SFSWAP: variants seen among roughly 807,000 people sequenced by gnomAD.
The protein encoded by SFSWAP is splicing factor, suppressor of white-apricot homolog.
Under a neutral mutation model 100.7 loss-of-function variants are expected in SFSWAP, and 17 were observed. That is an observed-to-expected ratio of 0.17 (90% CI 0.12 to 0.25). The LOEUF (loss-of-function observed/expected upper bound fraction) is 0.25. Ranked by LOEUF, SFSWAP falls within the 10% of genes least tolerant of loss-of-function variation. SFSWAP has a pLI of 1.00. For synonymous variants in SFSWAP, 504 were observed against 510.1 expected (o/e 0.99, Z 0.16); for missense variants, 1,005 against 1,262.6 (o/e 0.80, Z 3.09).
chr12:131,747,370 C>T (rs1593142674), intron 7 of SFSWAP, among the ~76,000 whole-genome samples: 2 of 152,266 alleles, frequency 1.3e-5, no homozygotes, highest in South Asian at 4.1e-4. Context: ...AGGGAGGCCT[C>T]CTGTGACCAG....
intron 11 of SFSWAP, among the ~76,000 whole-genome samples, chr12:131,761,597 G>A (rs183617248): frequency 1.3e-5 from 2 of 152,346 alleles, no homozygotes; most frequent in Admixed American, 6.5e-5. Flanking sequence ...ACTCAGGGAC[G>A]TGGCAGCCTT....
intron 9 of SFSWAP, among the ~76,000 whole-genome samples, chr12:131,755,167 A>C (rs1882039889): frequency 2.0e-5 from 3 of 152,208 alleles, no homozygotes; most frequent in African/African-American, 7.2e-5. Flanking sequence ...AATAAAACGT[A>C]AAGATATGTT....
intron 4 of SFSWAP, among the ~76,000 whole-genome samples, chr12:131,723,739 T>C (rs887624177): frequency 1.3e-5 from 2 of 152,198 alleles, no homozygotes; most frequent in African/African-American, 4.8e-5. Context: ...TTTTCTGACC[T>C]GTAGATACCT....
chr12:131,766,261 C>G lies in SFSWAP; in HGVS notation c.2095C>G (p.Pro699Ala), dbSNP rs1883107592. The G allele has an allele frequency of 1.9e-6, 3 of 1,614,134 alleles. No homozygotes were observed. Among genetic ancestry groups the G allele is most frequent in the Non-Finnish European group, 2.5e-6 (3 of 1,180,028 alleles). ...LFLQTLKNPL[P>A]EAEAGKIEES... is the part of the protein sequence containing the mutation. ...TTTACAGACCCTCAAAAATCCTCTG[C>G]CGGAAGCAGAAGCTGGGAAAATTGA... Residue 699 changes from proline to alanine, a missense_variant, in exon 13 of 18, where the codon CCG becomes GCG. By Grantham distance (27) the Pro-to-Ala change is conservative. Coordinates refer to ENST00000261674, the MANE Select transcript of SFSWAP (RefSeq NM_004592.4).
At chr12:131,719,098 A>AT (rs1878209989) in intron 3 of SFSWAP, among the ~76,000 whole-genome samples, 1 of 152,160 alleles carries the variant, frequency 6.6e-6, no homozygotes, top group Non-Finnish European at 1.5e-5. Context: ...TTCTTTATAT[A>AT]TGTGGGTTCA....
intron 13 of SFSWAP, 74 bp from the exon 14 acceptor site, chr12:131,777,991 T>A (rs1311122314): frequency 3.2e-6 from 5 of 1,543,318 alleles, no homozygotes; most frequent in Non-Finnish European, 4.3e-6. Context: ...GGGCCCAAAG[T>A]TGAAATTTTA....
chr12:131,792,072 CACGG>C (rs1885276464), intron 15 of SFSWAP, among the ~76,000 whole-genome samples: 1 of 150,722 alleles, frequency 6.6e-6, no homozygotes, highest in East Asian at 2.0e-4. Flanking sequence ...CGTGTGTGTT[CACGG>C]ATCATTACTG....
At position 131,711,638 on chromosome 12, in the gene SFSWAP, C is replaced by T. The variant is rs1391270656; in HGVS notation, c.218+191C>T. On this transcript the variant is annotated intron_variant, in intron 1 of 17. Coordinates refer to ENST00000261674, the MANE Select transcript of SFSWAP (RefSeq NM_004592.4). This position sits in a 1 kb window ranked among gnomAD's most constrained non-coding sequence, Gnocchi z 4.9. ...GGGGACGGTGAAACCTGCCCTAAGGCACTGGCTGGAATTGCGTGCCGCGTC... is the reference window on the plus strand; with the variant it reads ...GGGGACGGTGAAACCTGCCCTAAGGTACTGGCTGGAATTGCGTGCCGCGTC... 5.1e-6 allele frequency: 3 copies of T among 589,540 alleles called. No individual in the cohort carries two copies. The highest frequency in any genetic ancestry group is 2.0e-5 in the South Asian group (1 of 49,386). 36.5% of individuals were successfully genotyped at this position (589,540 alleles called of 1,614,324 possible). A position where few individuals can be genotyped will look rare whatever the true frequency, so the allele number is the denominator to read the frequency against.
chr12:131,726,593 T>C (rs1207961161), intron 5 of SFSWAP, among the ~76,000 whole-genome samples: 1 of 152,256 alleles, frequency 6.6e-6, no homozygotes, highest in African/African-American at 2.4e-5. Flanking sequence ...TCTTCAGTTT[T>C]GTTGTAGTTG....
At chr12:131,738,333 C>T (rs1225640935) in intron 7 of SFSWAP, among the ~76,000 whole-genome samples, 1 of 152,076 alleles carries the variant, frequency 6.6e-6, no homozygotes, top group Non-Finnish European at 1.5e-5. Context: ...CCAGAAATAG[C>T]CATTAGTGAA....
At chr12:131,761,244 A>G (rs532425570) in intron 11 of SFSWAP, among the ~76,000 whole-genome samples, 8 of 152,320 alleles carry the variant, frequency 5.3e-5, no homozygotes, top group South Asian at 2.1e-4. Context: ...CAGAAAATGT[A>G]TATTACTTTT....
intron 5 of SFSWAP, 107 bp from the exon 6 acceptor site, chr12:131,726,833 T>C (rs1018422163): frequency 1.8e-5 from 13 of 721,734 alleles, no homozygotes; most frequent in Non-Finnish European, 2.9e-5. Context: ...AAGTGTTTTT[T>C]CGACAGATAA....
intron 14 of SFSWAP, among the ~76,000 whole-genome samples, chr12:131,781,077 T>C (rs1281557059): frequency 6.6e-6 from 1 of 152,182 alleles, no homozygotes; most frequent in African/African-American, 2.4e-5. Context: ...GGTTTCTAAG[T>C]TGTACATCCT....
chr12:131,772,754 G>T (rs960362163), intron 13 of SFSWAP, among the ~76,000 whole-genome samples: 3 of 152,208 alleles, frequency 2.0e-5, no homozygotes, highest in Non-Finnish European at 4.4e-5. Flanking sequence ...GCTCAGTGGA[G>T]GGTCAGGGTG....
intron 7 of SFSWAP, among the ~76,000 whole-genome samples, chr12:131,750,360 CTT>C (rs1881510916): frequency 1.3e-5 from 2 of 152,236 alleles, no homozygotes; most frequent in South Asian, 4.1e-4. Context: ...GCAACACATA[CTT>C]TATTTCTCTT....
At position 131,725,699 on chromosome 12, in the gene SFSWAP, TC is replaced by T; in HGVS notation, c.832+70del. 1 of 1,197,932 alleles carries T rather than the reference TC, an allele frequency of 8.3e-7. No homozygotes were observed. The highest frequency in any genetic ancestry group is 2.0e-5 in the Admixed American group (1 of 50,534). 74.2% of individuals were successfully genotyped at this position (1,197,932 alleles called of 1,614,324 possible). A position where few individuals can be genotyped will look rare whatever the true frequency, so the allele number is the denominator to read the frequency against. The stretch of plus-strand genomic sequence containing the variant: ...TTGTGGGGGCGGCAGGCTGGGTGGT[TC>T]TGGGAAAAGTGTGAAGATACACATT... On this transcript the variant is annotated intron_variant, in intron 5 of 17. Coordinates refer to ENST00000261674, the MANE Select transcript of SFSWAP (RefSeq NM_004592.4). The surrounding 1 kb of genome is among the most constrained non-coding windows in gnomAD (Gnocchi z 4.3).
intron 8 of SFSWAP, chr12:131,753,564 G>A: frequency 7.5e-6 from 5 of 665,438 alleles, no homozygotes; most frequent in Non-Finnish European, 1.2e-5. Context: ...TTTTAGCATT[G>A]AAGTTAAACC....
In SFSWAP at chr12:131,797,355, C is replaced by T. The variant is rs1885757151; in HGVS notation, c.2712C>T (p.Arg904=). 2 of 1,606,634 alleles carry T rather than the reference C, an allele frequency of 1.2e-6. No individual in the cohort carries two copies. The highest frequency in any genetic ancestry group is 1.7e-6 in the Non-Finnish European group (2 of 1,176,478). The change falls in exon 16 of 18, where the codon CGC becomes CGT. Residue 904 remains arginine (R), a synonymous_variant. Transcript: ENST00000261674. ...AGAGTCGGGGCTCCAGCCAGGAGCG[C>T]TCCAGGTAACCCCTGTCCTCCAGCA... is the stretch of plus-strand genomic sequence containing the variant. ...PVESRGSSQE[R]SRGVSQEKEA...
Position 131,756,550 on chromosome 12 carries a change from T to C in SFSWAP, c.1626T>C (p.Pro542=). 6.2e-7 allele frequency: 1 copy of C among 1,613,682 alleles called. No individual in the cohort carries two copies. The highest frequency in any genetic ancestry group is 8.5e-7 in the Non-Finnish European group (1 of 1,179,862). ...KPSDAGEDGA[P]EDAAEVGARA... is the part of the protein sequence containing the mutation. Reference sequence around the variant, plus strand: ...GTGATGCTGGGGAGGATGGCGCGCCTGAAGACGCAGCCGAGGTGGGAGCAC... The same window carrying C: ...GTGATGCTGGGGAGGATGGCGCGCCCGAAGACGCAGCCGAGGTGGGAGCAC... Residue 542 remains proline, a synonymous_variant, in exon 11 of 18, where the codon CCT becomes CCC. Coordinates refer to ENST00000261674, the MANE Select transcript of SFSWAP (RefSeq NM_004592.4).
Sources: gnomAD v4.1 joint callset for allele counts (sites outside exome capture counted in the v4.1 genomes callset) on GRCh38, gnomAD v4.1.1 for gene constraint, Gnocchi (gnomAD v3.1) non-coding constraint, MANE v1.5 for transcripts, NCBI Gene and HGNC (gene_info 2026-07-23, HGNC 2026-07-21) for gene names.